Variants in ZNF140 observed in about 807,000 individuals in gnomAD.
ZNF140 encodes the protein zinc finger protein 140 (clone pHZ-39).
In ZNF140, 13 loss-of-function variants were observed where a neutral mutation model predicts 12.9. The ratio of observed to expected loss-of-function variants is 1.01; its 90% CI spans 0.66 to 1.60. The LOEUF (loss-of-function observed/expected upper bound fraction) is 1.60. Among genes scored for constraint, ZNF140 ranks in the 40% most tolerant of loss-of-function variants. The pLI is 0.00. For synonymous variants in ZNF140, 214 were observed against 186.7 expected (o/e 1.15, Z -1.19); for missense variants, 531 against 548.8 (o/e 0.97, Z 0.32).
intron 4 of ZNF140, among the ~76,000 whole-genome samples, chr12:133,095,628 C>T (rs762758011): frequency 7.5e-4 from 113 of 151,536 alleles, no homozygotes; most frequent in African/African-American, 1.5e-3. Context: ...CCAGCACCGG[C>T]CTCTGAGTTC....
intron 4 of ZNF140, among the ~76,000 whole-genome samples, chr12:133,102,063 T>C (rs1437746786): frequency 6.6e-6 from 1 of 152,090 alleles, no homozygotes; most frequent in Non-Finnish European, 1.5e-5. Context: ...TGGTAAGGTG[T>C]TGAGGGAAGA....
At chr12:133,103,112 AAATT>A (rs749954374) in intron 4 of ZNF140, among the ~76,000 whole-genome samples, 207 of 152,348 alleles carry the variant, frequency 1.4e-3, no homozygotes, top group Admixed American at 4.8e-3. Context: ...TGATCATATA[AAATT>A]AATTAGCAAA....
intron 4 of ZNF140, among the ~76,000 whole-genome samples, chr12:133,098,465 C>T (rs1455743606): frequency 6.6e-6 from 1 of 151,904 alleles, no homozygotes; most frequent in Non-Finnish European, 1.5e-5. Flanking sequence ...GTCTCAAACT[C>T]CTGACCTTAA....
At chr12:133,093,569 T>A (rs1470464692) in intron 4 of ZNF140, 2 of 672,600 alleles carry the variant, frequency 3.0e-6, no homozygotes, top group Middle Eastern at 2.5e-4. Flanking sequence ...CTCTCCCCCA[T>A]GTTATCACCT....
Position 133,101,070 on chromosome 12 carries a change from T to G in ZNF140, c.233-4440T>G, listed in dbSNP as rs1369012591. On this transcript the variant is annotated intron_variant, in intron 4 of 4. Transcript: ENST00000355557. The stretch of plus-strand genomic sequence containing the variant: ...CCTTTATAGGTAAGGTTTTTTTCCT[T>G]TGACTTCTTTTTTCTTTGTATTTGA... 1.7e-5 allele frequency: 7 copies of G among 404,694 alleles called. No individual in the cohort carries two copies. In the East Asian group the frequency reaches 3.7e-4, roughly 21 times the overall value. 25.1% of individuals were successfully genotyped at this position (404,694 alleles called of 1,614,324 possible). A position where few individuals can be genotyped will look rare whatever the true frequency, so the allele number is the denominator to read the frequency against.
Position 133,095,792 on chromosome 12 carries a change from C to T in ZNF140, c.233-9718C>T, listed in dbSNP as rs187064565. Among the ~76,000 whole-genome samples the T allele has an allele frequency of 7.7e-3, 1,156 of 150,142 alleles. 2 individuals carry two copies. Among genetic ancestry groups the T allele is most frequent in the African/African-American group, 0.014 (559 of 39,942 alleles). ...GGAAGGTACTATGCCTGGATGTGCACGTAATCCAGATTTATGTTTCTCTCC... is the reference window on the plus strand; with the variant it reads ...GGAAGGTACTATGCCTGGATGTGCATGTAATCCAGATTTATGTTTCTCTCC... On this transcript the variant is annotated intron_variant, in intron 4 of 4. Transcript: ENST00000355557.
chr12:133,081,481 C>G (rs1194034113), intron 2 of ZNF140, 152 bp downstream of exon 2: 1 of 456,436 alleles, frequency 2.2e-6, no homozygotes, highest in Non-Finnish European at 4.4e-6. Flanking sequence ...GTGAGCCAAC[C>G]CACTTGGCCT....
intron 4 of ZNF140, among the ~76,000 whole-genome samples, chr12:133,095,703 T>C (rs1339385283): frequency 1.3e-5 from 2 of 151,786 alleles, no homozygotes; most frequent in Non-Finnish European, 2.9e-5. Flanking sequence ...AGCAGGGTGA[T>C]AATAAGGAGA....
At chr12:133,085,640 C>G (rs1954649346) in intron 4 of ZNF140, among the ~76,000 whole-genome samples, 1 of 152,118 alleles carries the variant, frequency 6.6e-6, no homozygotes, top group South Asian at 2.1e-4. Flanking sequence ...TTTGTGTTCA[C>G]TATAGTTGAG....
chr12:133,106,280 A>T lies in ZNF140; in HGVS notation c.1003A>T (p.Arg335Trp), dbSNP rs142419506. The stretch of plus-strand genomic sequence containing the variant: ...AACCCCGTATGAATGTAATGAATGT[A>T]GGAAAGCTTTCCGTTGTCACTCATT... The part of the protein sequence containing the change: ...TKTPYECNEC[R>W]KAFRCHSFLI... The change falls in exon 5 of 5, where the codon AGG becomes TGG. Residue 335 changes from arginine to tryptophan, a missense_variant. Physicochemically the swap from Arg to Trp is moderately radical, Grantham distance 101. Transcript: ENST00000355557. 1 of 1,614,204 alleles carries T rather than the reference A, an allele frequency of 6.2e-7. No individual in the cohort carries two copies. The highest frequency in any genetic ancestry group is 8.5e-7 in the Non-Finnish European group (1 of 1,180,014).
At chr12:133,091,423 A>C (rs1374475337) in intron 4 of ZNF140, among the ~76,000 whole-genome samples, 1 of 151,284 alleles carries the variant, frequency 6.6e-6, no homozygotes, top group Non-Finnish European at 1.5e-5. Context: ...GAAAGCTACA[A>C]ATTAACAACA....
intron 4 of ZNF140, among the ~76,000 whole-genome samples, chr12:133,096,395 G>A (rs1416697647): frequency 1.3e-5 from 2 of 152,104 alleles, no homozygotes; most frequent in Non-Finnish European, 2.9e-5. Context: ...TTAAAGTACA[G>A]GTCTTTTTCA....
At chr12:133,086,311 C>T (rs1231700878) in intron 4 of ZNF140, among the ~76,000 whole-genome samples, 4 of 152,254 alleles carry the variant, frequency 2.6e-5, no homozygotes, top group Admixed American at 1.3e-4. Flanking sequence ...CTTATACTCC[C>T]GCAAACCCAA....
intron 4 of ZNF140, among the ~76,000 whole-genome samples, chr12:133,100,095 T>C (rs1955282288): frequency 6.7e-6 from 1 of 149,170 alleles, no homozygotes; most frequent in African/African-American, 2.4e-5. Context: ...GTATTGAACC[T>C]CATTGCCATT....
intron 4 of ZNF140, among the ~76,000 whole-genome samples, chr12:133,090,437 C>T (rs1293942028): frequency 6.6e-6 from 1 of 152,210 alleles, no homozygotes; most frequent in Non-Finnish European, 1.5e-5. Context: ...GCCACTGCAC[C>T]TGGGTCCTTT....
chr12:133,089,953 G>A (rs1343668360), intron 4 of ZNF140, among the ~76,000 whole-genome samples: 2 of 151,564 alleles, frequency 1.3e-5, no homozygotes, highest in African/African-American at 2.4e-5. Context: ...GGGTTCAAGC[G>A]ATTCTTCTGC....
chr12:133,106,701 A>C lies in ZNF140; in HGVS notation c.*50A>C, dbSNP rs1228119114. The C allele has an allele frequency of 2.1e-6, 3 of 1,457,842 alleles. No homozygotes were observed. The highest frequency in any genetic ancestry group is 2.7e-6 in the Non-Finnish European group (3 of 1,091,574). The allele number at this position is 1,457,842 out of a possible 1,614,324, so 90.3% of individuals were successfully genotyped here. A position where few individuals can be genotyped will look rare whatever the true frequency, so the allele number is the denominator to read the frequency against. ...GAATGTATGGAATTTTTTAAAAAGA[A>C]GTATAATGCCTTACTTCAGAGAACT... On this transcript the variant is annotated 3_prime_UTR_variant, in exon 5 of 5. Transcript: ENST00000355557.
At chr12:133,103,830 C>T (rs1336979323) in intron 4 of ZNF140, among the ~76,000 whole-genome samples, 3 of 152,166 alleles carry the variant, frequency 2.0e-5, no homozygotes, top group African/African-American at 4.8e-5. Flanking sequence ...TTCACATCTA[C>T]AGAGTTCTTA....
At chr12:133,099,020 C>T (rs1257662318) in intron 4 of ZNF140, among the ~76,000 whole-genome samples, 2 of 152,024 alleles carry the variant, frequency 1.3e-5, no homozygotes, top group Admixed American at 6.6e-5. Context: ...GGACTACAGG[C>T]GCGAGCCACC....
Sources: allele counts gnomAD v4.1 joint callset (sites outside exome capture counted in the v4.1 genomes callset), GRCh38; gene constraint gnomAD v4.1.1; transcripts MANE v1.5; gene names NCBI Gene and HGNC (gene_info 2026-07-23, HGNC 2026-07-21).